The following ZNF554 variants were observed in gnomAD, a reference collection of about 807,000 sequenced individuals.
ZNF554 encodes the protein zinc finger protein 554.
ZNF554 carries 15 observed loss-of-function variants against 21.2 expected under a neutral mutation model. The ratio of observed to expected loss-of-function variants is 0.71; its 90% CI spans 0.47 to 1.09. ZNF554 has a LOEUF of 1.09. Among genes scored for constraint, ZNF554 ranks in the 50% least tolerant of loss-of-function variants. ZNF554 has a pLI of 0.00. For missense variants in ZNF554, 691 were observed against 662.7 expected, an observed-to-expected ratio of 1.04 and a Z score of -0.47; for synonymous variants, 258 against 251.4, an observed-to-expected ratio of 1.03 and a Z score of -0.25.
chr19:2,827,819 A>G, intron 3 of ZNF554, 76 bp downstream of exon 3: 1 of 1,555,616 alleles, frequency 6.4e-7, no homozygotes. Context: ...TCACACTGCT[A>G]ATAAAGAAAT....
In ZNF554 at chr19:2,836,233, A is replaced by C. The variant is rs953682875; in HGVS notation, c.*1381A>C. On this transcript the variant is annotated 3_prime_UTR_variant, in exon 5 of 5. Transcript: ENST00000317243. ...CGTGCTGGTATTACGGGTGTGAGCC[A>C]CCGTGCTGGGATTACGGGCGTGAGC... is the stretch of plus-strand genomic sequence containing the variant. 8.8e-5 allele frequency among the ~76,000 whole-genome samples: 13 copies of C among 148,248 alleles called. No homozygotes were observed. Among genetic ancestry groups the C allele is most frequent in the African/African-American group, 3.0e-4 (12 of 39,994 alleles).
chr19:2,832,191 G>A, intron 3 of ZNF554, 112 bp from the exon 4 acceptor site: 2 of 1,081,274 alleles, frequency 1.8e-6, no homozygotes, highest in Middle Eastern at 2.7e-4. Flanking sequence ...CTCCCAAATT[G>A]CTGGGATTAC....
At chr19:2,832,621 A>G in intron 4 of ZNF554, 127 bp downstream of exon 4, 1 of 943,598 alleles carries the variant, frequency 1.1e-6, no homozygotes, top group Non-Finnish European at 1.5e-6. Flanking sequence ...GGACACCTTC[A>G]GTTCATTTTC....
chr19:2,820,567 A>C (rs1408312161), intron 1 of ZNF554, among the ~76,000 whole-genome samples: 2 of 151,958 alleles, frequency 1.3e-5, no homozygotes, highest in Admixed American at 1.3e-4. Context: ...CAGGGATGCA[A>C]CTCAGCACCC....
intron 2 of ZNF554, among the ~76,000 whole-genome samples, chr19:2,824,861 C>T (rs186834875): frequency 6.6e-5 from 10 of 152,248 alleles, no homozygotes; most frequent in Non-Finnish European, 1.3e-4. Context: ...TTCCCTGTCC[C>T]CCTCCCCAGC....
In ZNF554 at chr19:2,827,568, C is replaced by T. The variant is rs537084283; in HGVS notation, c.127-49C>T. 36 of 1,579,880 alleles carry T rather than the reference C, an allele frequency of 2.3e-5. No individual in the cohort carries two copies. The Admixed American group carries it at 3.7e-4, about 16-fold the overall frequency. Reference sequence around the variant, plus strand: ...CCAACCTCACCCCTCCTCCCATGAACGTGGGTGGCGATGGACCCATCTTGA... The same window carrying T: ...CCAACCTCACCCCTCCTCCCATGAATGTGGGTGGCGATGGACCCATCTTGA... On this transcript the variant is annotated intron_variant, in intron 2 of 4. Coordinates refer to ENST00000317243, the MANE Select transcript of ZNF554 (RefSeq NM_001102651.2).
intron 1 of ZNF554, among the ~76,000 whole-genome samples, chr19:2,820,325 C>G (rs1370330002): frequency 6.6e-6 from 1 of 152,218 alleles, no homozygotes. Flanking sequence ...GAAAACGCCC[C>G]TGGGTGAGAG....
chr19:2,826,953 C>T (rs912645256), intron 2 of ZNF554, among the ~76,000 whole-genome samples: 1 of 152,156 alleles, frequency 6.6e-6, no homozygotes, highest in Non-Finnish European at 1.5e-5. Flanking sequence ...TGAGCCACTG[C>T]GACTGGCTGC....
intron 3 of ZNF554, among the ~76,000 whole-genome samples, chr19:2,829,364 A>T (rs956813235): frequency 1.3e-5 from 2 of 150,658 alleles, no homozygotes; most frequent in Admixed American, 1.3e-4. Flanking sequence ...GTCTCAAAAA[A>T]TATATATACA....
At position 2,821,866 on chromosome 19, in the gene ZNF554, T is replaced by C. The variant is rs1454198641; in HGVS notation, c.54-1174T>C. On this transcript the variant is annotated intron_variant, in intron 1 of 4. Transcript: ENST00000317243. This position sits in a 1 kb window ranked among gnomAD's most constrained non-coding sequence, Gnocchi z 8.2. ...TTTAGTAGAGACGGGGGTTTTGCCA[T>C]GTTGGCCAGGCTGGTCTCGAACTCC... is the stretch of plus-strand genomic sequence containing the variant. 6.6e-6 allele frequency among the ~76,000 whole-genome samples: 1 copy of C among 151,642 alleles called. No individual in the cohort carries two copies. The highest frequency in any genetic ancestry group is 6.6e-5 in the Admixed American group (1 of 15,224).
rs551725163 is a variant in ZNF554 at position 2,821,402 on chromosome 19, C to T, written c.53+1278C>T. 6.6e-6 allele frequency among the ~76,000 whole-genome samples: 1 copy of T among 152,072 alleles called. No individual in the cohort carries two copies. Among genetic ancestry groups the T allele is most frequent in the African/African-American group, 2.4e-5 (1 of 41,332 alleles). ...TGGTTCTTACATGAGCCTCCTGGAG[C>T]TGCTGTGACAATGCACCACAAACCA... On this transcript the variant is annotated intron_variant, in intron 1 of 4. Transcript: ENST00000317243. This position sits in a 1 kb window ranked among gnomAD's most constrained non-coding sequence, Gnocchi z 8.2.
At chr19:2,824,977 TCA>T (rs2087310380) in intron 2 of ZNF554, among the ~76,000 whole-genome samples, 1 of 149,926 alleles carries the variant, frequency 6.7e-6, no homozygotes, top group South Asian at 2.1e-4. Context: ...CTGGCTTCTC[TCA>T]CTGAGCATAA....
Position 2,834,385 on chromosome 19 carries a change from G to A in ZNF554, c.1150G>A (p.Glu384Lys), listed in dbSNP as rs375826427. Residue 384 changes from glutamate (E) to lysine (K), a missense_variant, in exon 5 of 5, where the codon GAG becomes AAG. Transcript: ENST00000317243. ...TGGAGAGAAGCCCTACGGGTGCGGTGAGTGCGGGAAAGCCTTCAACAGGAT... is the reference window on the plus strand; with the variant it reads ...TGGAGAGAAGCCCTACGGGTGCGGTAAGTGCGGGAAAGCCTTCAACAGGAT... Reference protein sequence around the residue: ...HTGEKPYGCGECGKAFNRISS... With the variant: ...HTGEKPYGCGKCGKAFNRISS... 6.2e-7 allele frequency: 1 copy of A among 1,613,992 alleles called. No individual in the cohort carries two copies. The highest frequency in any genetic ancestry group is 8.5e-7 in the Non-Finnish European group (1 of 1,180,000).
intron 4 of ZNF554, 37 bp from the exon 5 acceptor site, chr19:2,833,644 C>T (rs983892111): frequency 7.3e-6 from 11 of 1,496,908 alleles, no homozygotes; most frequent in Non-Finnish European, 9.8e-6. Flanking sequence ...GCTGTTTCTT[C>T]TTCTAAAAAA....
rs755357605 is a variant in ZNF554 at position 2,832,462 on chromosome 19, A to G, written c.413A>G (p.Glu138Gly). ...GAGCAAAGAGAAGCCCTGTGGATAG[A>G]GGAAAAAGGAACTCCTCAAGCCTCC... ...HLEQREALWI[E>G]EKGTPQASCS... The change falls in exon 4 of 5, where the codon GAG becomes GGG. Residue 138 changes from glutamate (E) to glycine (G), a missense_variant. By Grantham distance (98) the Glu-to-Gly change is moderately conservative. Coordinates refer to ENST00000317243, the MANE Select transcript of ZNF554 (RefSeq NM_001102651.2). The G allele has an allele frequency of 1.9e-6, 3 of 1,610,622 alleles. No homozygotes were observed. Among genetic ancestry groups the G allele is most frequent in the Non-Finnish European group, 2.5e-6 (3 of 1,178,902 alleles).
intron 4 of ZNF554, 44 bp downstream of exon 4, chr19:2,832,538 C>G: frequency 1.3e-6 from 2 of 1,536,526 alleles, no homozygotes; most frequent in South Asian, 2.6e-5. Flanking sequence ...GCAGTGGCAT[C>G]GTGGGAAACA....
intron 1 of ZNF554, among the ~76,000 whole-genome samples, chr19:2,822,444 G>GC (rs2087276671): frequency 6.6e-6 from 1 of 152,116 alleles, no homozygotes; most frequent in Non-Finnish European, 1.5e-5. Context: ...GTTATTTTAA[G>GC]CCCCCGGGTT....
Position 2,835,978 on chromosome 19 carries a change from A to G in ZNF554, c.*1126A>G, listed in dbSNP as rs2087492501. ...CCGGTAGCTGGGACTACACATGTGCACCGCTACCACACCCAGCTAAATTTT... is the reference window on the plus strand; with the variant it reads ...CCGGTAGCTGGGACTACACATGTGCGCCGCTACCACACCCAGCTAAATTTT... On this transcript the variant is annotated 3_prime_UTR_variant, in exon 5 of 5. Transcript: ENST00000317243. Among the ~76,000 whole-genome samples the G allele has an allele frequency of 6.6e-6, 1 of 151,798 alleles. No individual in the cohort carries two copies.
At chr19:2,820,910 C>T (rs900153742) in intron 1 of ZNF554, among the ~76,000 whole-genome samples, 39 of 150,850 alleles carry the variant, frequency 2.6e-4, no homozygotes, top group Admixed American at 4.6e-4. Context: ...GTGATCCACC[C>T]GCCTCAGCCT....
Sources: gnomAD v4.1 joint callset for allele counts (sites outside exome capture counted in the v4.1 genomes callset) on GRCh38, gnomAD v4.1.1 for gene constraint, Gnocchi (gnomAD v3.1) non-coding constraint, MANE v1.5 for transcripts, NCBI Gene and HGNC (gene_info 2026-07-23, HGNC 2026-07-21) for gene names.